The following PCDH15 variants were observed in gnomAD, a reference collection of about 807,000 sequenced individuals.
PCDH15 encodes the protein protocadherin-15.
A neutral mutation model predicts 178.5 loss-of-function variants in PCDH15; 129 were observed. The ratio of observed to expected loss-of-function variants is 0.72; its 90% confidence interval spans 0.63 to 0.84. PCDH15 has a LOEUF of 0.84. Among genes scored for constraint, PCDH15 ranks in the 40% least tolerant of loss-of-function variants. PCDH15 has a pLI of 0.00. For synonymous variants in PCDH15, 800 were observed against 732.0 expected (o/e 1.09, Z -1.50); for missense variants, 2,230 against 2,099.9 (o/e 1.06, Z -1.21).
chr10:54,050,748 G>A (rs772068385), intron 18 of PCDH15, among the ~76,000 whole-genome samples: 2 of 151,940 alleles, frequency 1.3e-5, no homozygotes, highest in African/African-American at 2.4e-5. Flanking sequence ...TTGCTGCATC[G>A]CTGAGATTCT....
intron 2 of PCDH15, among the ~76,000 whole-genome samples, chr10:55,156,306 A>G (rs575570838): frequency 2.0e-5 from 3 of 152,136 alleles, no homozygotes; most frequent in African/African-American, 7.2e-5. Flanking sequence ...TGCCACACAG[A>G]TATATTAAAT....
intron 1 of PCDH15, among the ~76,000 whole-genome samples, chr10:54,786,053 T>C (rs1950846450): frequency 6.6e-6 from 1 of 152,060 alleles, no homozygotes. Flanking sequence ...TATGCACTTA[T>C]ACTTCTCCAG....
chr10:54,450,325 T>C (rs1660833020), intron 3 of PCDH15, among the ~76,000 whole-genome samples: 1 of 151,406 alleles, frequency 6.6e-6, no homozygotes, highest in African/African-American at 2.4e-5. Flanking sequence ...CAAAAGGCAT[T>C]GAAGATTGGA....
At chr10:55,492,116 T>C (rs770003455) in intron 2 of PCDH15, among the ~76,000 whole-genome samples, 1 of 151,744 alleles carries the variant, frequency 6.6e-6, no homozygotes, top group African/African-American at 2.4e-5. Flanking sequence ...AAAGCAGTAA[T>C]TATTGGCTGC....
chr10:55,145,016 T>C (rs1347257129), intron 2 of PCDH15, among the ~76,000 whole-genome samples: 1 of 152,076 alleles, frequency 6.6e-6, no homozygotes, highest in Non-Finnish European at 1.5e-5. Flanking sequence ...AATTCTCTAT[T>C]AACATGACAA....
chr10:54,424,357 C>A (rs1332929201), intron 3 of PCDH15, among the ~76,000 whole-genome samples: 1 of 151,820 alleles, frequency 6.6e-6, no homozygotes, highest in Non-Finnish European at 1.5e-5. Flanking sequence ...AGTCAGGAAA[C>A]AACAGGTGCT....
chr10:55,207,716 C>T (rs1840440716), intron 1 of PCDH15, among the ~76,000 whole-genome samples: 1 of 152,122 alleles, frequency 6.6e-6, no homozygotes, highest in Non-Finnish European at 1.5e-5. Context: ...CGCCTGTAGT[C>T]CCAGCACTTG....
intron 2 of PCDH15, among the ~76,000 whole-genome samples, chr10:55,409,554 C>T (rs1838283408): frequency 6.6e-6 from 1 of 152,084 alleles, no homozygotes. Flanking sequence ...GCCAAAATTA[C>T]CTTTCATGCA....
Position 54,949,656 on chromosome 10 carries a change from T to C in PCDH15, c.-79-52156A>G, listed in dbSNP as rs116642052. Among the ~76,000 whole-genome samples the C allele has an allele frequency of 6.5e-3, 995 of 152,128 alleles. 9 individuals carry two copies. Among genetic ancestry groups the C allele is most frequent in the African/African-American group, 0.022 (893 of 41,522 alleles). ...CTTTAAGTTGCAATTCCAAACCATCTATTTGTGAATGCATACAACTGAATG... is the reference window on the plus strand; with the variant it reads ...CTTTAAGTTGCAATTCCAAACCATCCATTTGTGAATGCATACAACTGAATG... On this transcript the variant is annotated intron_variant, in intron 2 of 5. Coordinates refer to the PCDH15 transcript ENST00000458638.
chr10:54,217,709 C>T (rs2052258267), intron 9 of PCDH15, among the ~76,000 whole-genome samples: 2 of 151,996 alleles, frequency 1.3e-5, no homozygotes, highest in African/African-American at 2.4e-5. Flanking sequence ...AATATAGAAG[C>T]GATGAATATT....
intron 2 of PCDH15, among the ~76,000 whole-genome samples, chr10:54,949,986 C>A (rs1277719289): frequency 6.6e-6 from 1 of 152,012 alleles, no homozygotes; most frequent in Non-Finnish European, 1.5e-5. Context: ...TTCATGTCTT[C>A]TTCTGAGCCC....
intron 2 of PCDH15, chr10:55,506,108 C>T (rs1840753746): frequency 6.6e-6 from 1 of 151,338 alleles, no homozygotes; most frequent in African/African-American, 2.4e-5. Flanking sequence ...CAGATTGATT[C>T]TAGTGCAAAG....
At chr10:55,458,276 A>G (rs1839597571) in intron 2 of PCDH15, among the ~76,000 whole-genome samples, 1 of 152,048 alleles carries the variant, frequency 6.6e-6, no homozygotes, top group African/African-American at 2.4e-5. Flanking sequence ...CCAAGAACTC[A>G]ATAAAGCCAT....
At chr10:54,393,518 G>A (rs1237818001) in intron 3 of PCDH15, among the ~76,000 whole-genome samples, 5 of 152,146 alleles carry the variant, frequency 3.3e-5, no homozygotes, top group African/African-American at 7.2e-5. Flanking sequence ...GGAGGCAAAC[G>A]TTAAGAGGAA....
chr10:54,546,090 T>C (rs1241044645), intron 2 of PCDH15, among the ~76,000 whole-genome samples: 1 of 152,216 alleles, frequency 6.6e-6, no homozygotes, highest in Admixed American at 6.5e-5. Context: ...CCTATGAGGT[T>C]TCCACTAGAA....
At chr10:54,731,545 G>GATAT (rs1167781763) in intron 1 of PCDH15, among the ~76,000 whole-genome samples, 20 of 80,290 alleles carry the variant, frequency 2.5e-4, no homozygotes, top group African/African-American at 8.9e-4. Flanking sequence ...ATGTGAGATA[G>GATAT]ATATATATAT....
At chr10:53,922,987 T>C (rs916576533) in intron 25 of PCDH15, among the ~76,000 whole-genome samples, 4 of 152,200 alleles carry the variant, frequency 2.6e-5, no homozygotes, top group Admixed American at 6.5e-5. Context: ...CTCAGGAGGC[T>C]GAGGCAGGAG....
At chr10:54,942,868 C>T (rs554250077) in intron 2 of PCDH15, among the ~76,000 whole-genome samples, 7 of 152,168 alleles carry the variant, frequency 4.6e-5, no homozygotes, top group African/African-American at 1.7e-4. Flanking sequence ...GGAAACTTTA[C>T]TCTGTGCTAG....
chr10:54,612,015 A>T (rs988085341), intron 2 of PCDH15, among the ~76,000 whole-genome samples: 10 of 151,982 alleles, frequency 6.6e-5, no homozygotes, highest in Middle Eastern at 3.4e-3. Context: ...GGTCCATCTC[A>T]TTTGTTAAAT....
Sources: allele counts gnomAD v4.1 joint callset (sites outside exome capture counted in the v4.1 genomes callset), GRCh38; gene constraint gnomAD v4.1.1; transcripts MANE v1.5; gene names NCBI Gene and HGNC (gene_info 2026-07-23, HGNC 2026-07-21).